CHST5: variants seen among roughly 807,000 people sequenced by gnomAD.
CHST5 encodes carbohydrate sulfotransferase 5.
For synonymous variants in CHST5, 313 were observed against 279.2 expected (o/e 1.12, Z -1.21); for missense variants, 637 against 602.1 (o/e 1.06, Z -0.61).
rs2080513621 is a variant in CHST5 at position 75,530,901 on chromosome 16, C to A, written c.-517G>T. 2.0e-6 allele frequency: 2 copies of A among 1,000,612 alleles called. No individual in the cohort carries two copies. Among genetic ancestry groups the A allele is most frequent in the Non-Finnish European group, 2.4e-6 (2 of 831,656 alleles). 62.0% of individuals were successfully genotyped at this position (1,000,612 alleles called of 1,614,324 possible). A position where few individuals can be genotyped will look rare whatever the true frequency, so the allele number is the denominator to read the frequency against. ...AATTCCGGTACCTGGCTCACAGGAT[C>A]TGGGGGGATTGGGGGGTTATTATAA... On this transcript the variant is annotated 5_prime_UTR_variant, in exon 4 of 4. Coordinates refer to ENST00000336257, the MANE Select transcript of CHST5 (RefSeq NM_024533.5).
At chr16:75,534,818 T>C (rs1166135567) in intron 2 of CHST5, among the ~76,000 whole-genome samples, 1 of 152,142 alleles carries the variant, frequency 6.6e-6, no homozygotes, top group Non-Finnish European at 1.5e-5. Context: ...TCTCAAGAAT[T>C]TCATGGAGAG....
At position 75,531,562 on chromosome 16, in the gene CHST5, C is replaced by T. The variant is rs983423053; in HGVS notation, c.-1178G>A. 29 of 1,303,772 alleles carry T rather than the reference C, an allele frequency of 2.2e-5. No homozygotes were observed. Among genetic ancestry groups the T allele is most frequent in the Middle Eastern group, 2.2e-4 (1 of 4,508 alleles). The allele number at this position is 1,303,772 out of a possible 1,614,324, so 80.8% of individuals were successfully genotyped here. A position where few individuals can be genotyped will look rare whatever the true frequency, so the allele number is the denominator to read the frequency against. ...GAGAGCAGAGTACTGTCCTGGCCAG[C>T]TGAGGGGACTCACCACCGTCCAGGG... On this transcript the variant is annotated 5_prime_UTR_variant, in exon 4 of 4. Coordinates refer to ENST00000336257, the MANE Select transcript of CHST5 (RefSeq NM_024533.5).
At chr16:75,534,337 AAAAAAC>A (rs891182238) in intron 2 of CHST5, among the ~76,000 whole-genome samples, 1 of 152,048 alleles carries the variant, frequency 6.6e-6, no homozygotes, top group Non-Finnish European at 1.5e-5. Context: ...ACCCCATCTG[AAAAAAC>A]AAAAACAAAA....
Position 75,530,112 on chromosome 16 carries a change from C to A in CHST5, c.273G>T (p.Leu91=). ...LFSQHPDVFY[L]MEPAWHVWTT... is the part of the protein sequence containing the mutation. ...TCCACACATGCCACGCGGGCTCCATCAGGTAGAAGACGTCGGGGTGCTGGC... is the reference window on the plus strand; with the variant it reads ...TCCACACATGCCACGCGGGCTCCATAAGGTAGAAGACGTCGGGGTGCTGGC... Residue 91 remains leucine, a synonymous_variant, in exon 4 of 4, where the codon CTG becomes CTT. Coordinates refer to ENST00000336257, the MANE Select transcript of CHST5 (RefSeq NM_024533.5). The A allele has an allele frequency of 6.2e-7, 1 of 1,613,472 alleles. No individual in the cohort carries two copies. The highest frequency in any genetic ancestry group is 8.5e-7 in the Non-Finnish European group (1 of 1,179,978).
At chr16:75,532,796 G>A (rs1281834076) in intron 3 of CHST5, among the ~76,000 whole-genome samples, 1 of 152,254 alleles carries the variant, frequency 6.6e-6, no homozygotes, top group Non-Finnish European at 1.5e-5. Flanking sequence ...CAAGTGCTAG[G>A]TGCTTCGAGT....
Position 75,530,126 on chromosome 16 carries a change from C to G in CHST5, c.259G>C (p.Asp87His), listed in dbSNP as rs775382687. The G allele has an allele frequency of 6.2e-7, 1 of 1,613,486 alleles. No homozygotes were observed. Among genetic ancestry groups the G allele is most frequent in the Non-Finnish European group, 8.5e-7 (1 of 1,179,990 alleles). The change falls in exon 4 of 4, where the codon GAC (aspartate) becomes CAC (histidine). Residue 87 changes from aspartate to histidine, a missense_variant. Asp to His is a moderately conservative substitution (Grantham distance 81, BLOSUM62 -1). Coordinates refer to ENST00000336257, the MANE Select transcript of CHST5 (RefSeq NM_024533.5). ...FLGQLFSQHPDVFYLMEPAWH... is the reference protein window; with the variant it reads ...FLGQLFSQHPHVFYLMEPAWH... The stretch of plus-strand genomic sequence containing the variant: ...GCGGGCTCCATCAGGTAGAAGACGT[C>G]GGGGTGCTGGCTGAAGAGCTGGCCC...
chr16:75,532,750 A>T (rs2080534133), intron 3 of CHST5, among the ~76,000 whole-genome samples: 1 of 152,236 alleles, frequency 6.6e-6, no homozygotes, highest in South Asian at 2.1e-4. Flanking sequence ...AGTGCCAGAA[A>T]GGAAGGGAAC....
Position 75,529,646 on chromosome 16 carries a change from C to G in CHST5, c.739G>C (p.Val247Leu), listed in dbSNP as rs1428177979. ...GPILARDNGI[V>L]LGTNGKWVEA... The stretch of plus-strand genomic sequence containing the variant: ...ACCCACTTGCCGTTGGTGCCCAGCA[C>G]GATGCCGTTGTCGCGTGCCAGTATC... The change falls in exon 4 of 4, where the codon GTG becomes CTG. Residue 247 changes from valine (V) to leucine (L), a missense_variant. Coordinates refer to ENST00000336257, the MANE Select transcript of CHST5 (RefSeq NM_024533.5). The G allele has an allele frequency of 6.2e-7, 1 of 1,611,164 alleles. No individual in the cohort carries two copies. Among genetic ancestry groups the G allele is most frequent in the Non-Finnish European group, 8.5e-7 (1 of 1,178,910 alleles).
rs765330317 is a variant in CHST5 at position 75,529,359 on chromosome 16, A to T, written c.1026T>A (p.His342Gln). The T allele has an allele frequency of 1.2e-6, 2 of 1,613,230 alleles. No homozygotes were observed. The highest frequency in any genetic ancestry group is 2.2e-5 in the South Asian group (2 of 91,072). The stretch of plus-strand genomic sequence containing the variant: ...CGTTGCGCGCATTCCTAGACGAAGT[A>T]TGGAAGGCCTCGATTGGCTTGCCGA... ...SGIGKPIEAF[H>Q]TSSRNARNVS... is the part of the protein sequence containing the mutation. The change falls in exon 4 of 4, where the codon CAT (histidine) becomes CAA (glutamine). Residue 342 changes from histidine (H) to glutamine (Q), a missense_variant. By Grantham distance (24) the His-to-Gln change is conservative. Coordinates refer to ENST00000336257, the MANE Select transcript of CHST5 (RefSeq NM_024533.5).
In CHST5 at chr16:75,533,072, G is replaced by C. The variant is rs936846987; in HGVS notation, c.-1257+17C>G. The C allele has an allele frequency of 1.4e-6, 1 of 699,518 alleles. No homozygotes were observed. Among genetic ancestry groups the C allele is most frequent in the African/African-American group, 1.7e-5 (1 of 57,178 alleles). 43.3% of individuals were successfully genotyped at this position (699,518 alleles called of 1,614,324 possible). A position where few individuals can be genotyped will look rare whatever the true frequency, so the allele number is the denominator to read the frequency against. On this transcript the variant is annotated intron_variant, in intron 3 of 3. Transcript: ENST00000336257. ...TGGGTAGGGAGGATCTTGATCCCAA[G>C]CTAAGGTGTTTGTTACCTGTGTTCC...
At position 75,529,011 on chromosome 16, in the gene CHST5, T is replaced by C; in HGVS notation, c.*138A>G. On this transcript the variant is annotated 3_prime_UTR_variant, in exon 4 of 4. Transcript: ENST00000336257. ...GAGAAAGAAACGTGCAGTCCTTGCC[T>C]ACTTCAGGGGAGGACCCCAAACTCC... 1 of 880,816 alleles carries C rather than the reference T, an allele frequency of 1.1e-6. No homozygotes were observed. The highest frequency in any genetic ancestry group is 1.9e-5 in the South Asian group (1 of 53,432). The allele number at this position is 880,816 out of a possible 1,614,324, so 54.6% of individuals were successfully genotyped here.
chr16:75,533,949 G>C (rs1329070696), intron 2 of CHST5, among the ~76,000 whole-genome samples: 1 of 148,960 alleles, frequency 6.7e-6, no homozygotes, highest in Non-Finnish European at 1.5e-5. Flanking sequence ...TGAGGCAGGA[G>C]AGTAGCTTGA....
At chr16:75,532,438 G>T (rs1162799470) in intron 3 of CHST5, among the ~76,000 whole-genome samples, 1 of 152,168 alleles carries the variant, frequency 6.6e-6, no homozygotes, top group African/African-American at 2.4e-5. Flanking sequence ...TTTTCTCCTT[G>T]CTCCTGCATC....
In CHST5 at chr16:75,530,702, T is replaced by C; in HGVS notation, c.-318A>G. Reference sequence around the variant, plus strand: ...TTCAGGATACCTCTTAGAGAGACCCTTTTAGGTTGTGGAGCTAAAAGGGCT... The same window carrying C: ...TTCAGGATACCTCTTAGAGAGACCCCTTTAGGTTGTGGAGCTAAAAGGGCT... On this transcript the variant is annotated 5_prime_UTR_variant, in exon 4 of 4. Coordinates refer to ENST00000336257, the MANE Select transcript of CHST5 (RefSeq NM_024533.5). 8.8e-7 allele frequency: 1 copy of C among 1,131,490 alleles called. No homozygotes were observed. Among genetic ancestry groups the C allele is most frequent in the Non-Finnish European group, 1.1e-6 (1 of 913,096 alleles). The allele number at this position is 1,131,490 out of a possible 1,614,324, so 70.1% of individuals were successfully genotyped here. A position where few individuals can be genotyped will look rare whatever the true frequency, so the allele number is the denominator to read the frequency against.
Position 75,531,461 on chromosome 16 carries a change from G to C in CHST5, c.-1077C>G. 1 of 1,257,534 alleles carries C rather than the reference G, an allele frequency of 8.0e-7. No individual in the cohort carries two copies. Among genetic ancestry groups the C allele is most frequent in the Non-Finnish European group, 1.0e-6 (1 of 963,026 alleles). The allele number at this position is 1,257,534 out of a possible 1,614,324, so 77.9% of individuals were successfully genotyped here. ...AGGCAGCATGGGCTCCAGAAGGAGGGTGTCCTGGAGCCCTGTGGGTTTGCA... is the reference window on the plus strand; with the variant it reads ...AGGCAGCATGGGCTCCAGAAGGAGGCTGTCCTGGAGCCCTGTGGGTTTGCA... On this transcript the variant is annotated 5_prime_UTR_variant, in exon 4 of 4. Coordinates refer to ENST00000336257, the MANE Select transcript of CHST5 (RefSeq NM_024533.5).
chr16:75,531,403 T>G lies in CHST5; in HGVS notation c.-1019A>C. The G allele has an allele frequency of 2.7e-6, 3 of 1,124,692 alleles. No individual in the cohort carries two copies. The highest frequency in any genetic ancestry group is 3.3e-6 in the Non-Finnish European group (3 of 898,842). The allele number at this position is 1,124,692 out of a possible 1,614,324, so 69.7% of individuals were successfully genotyped here. A position where few individuals can be genotyped will look rare whatever the true frequency, so the allele number is the denominator to read the frequency against. ...AATAAAGTGGACAAAGAACAGCAAC[T>G]GTTGTCATCACTGGTGGGGAGTGAA... On this transcript the variant is annotated 5_prime_UTR_variant, in exon 4 of 4. Transcript: ENST00000336257.
At chr16:75,534,181 G>T (rs2432619) in intron 2 of CHST5, among the ~76,000 whole-genome samples, 45,867 of 149,436 alleles carry the variant, frequency 0.31, 7,467 homozygotes, top group African/African-American at 0.43. Flanking sequence ...AAACCCCATC[G>T]CTAAAATTAG....
intron 2 of CHST5, among the ~76,000 whole-genome samples, chr16:75,533,991 T>C (rs772718087): frequency 5.0e-5 from 7 of 140,470 alleles, no homozygotes; most frequent in Non-Finnish European, 1.1e-4. Context: ...GTGGCCGAGA[T>C]TGTGCCATTG....
Position 75,530,253 on chromosome 16 carries a change from C to A in CHST5, c.132G>T (p.Leu44=), listed in dbSNP as rs761034335. The A allele has an allele frequency of 4.3e-6, 7 of 1,613,450 alleles. No homozygotes were observed. The South Asian group carries it at 7.7e-5, about 18-fold the overall frequency. ...GCCCTGGCCGGGAGATGATGAAGAG[C>A]AGGAGGCAGGTGGTCTGTGCCAGGA... ...VLLLAQTTCL[L]LFIISRPGPS... The change falls in exon 4 of 4, where the codon CTG becomes CTT. Residue 44 remains leucine (L), a synonymous_variant. Coordinates refer to ENST00000336257, the MANE Select transcript of CHST5 (RefSeq NM_024533.5).
Sources: gnomAD v4.1 joint callset for allele counts (sites outside exome capture counted in the v4.1 genomes callset) on GRCh38, gnomAD v4.1.1 for gene constraint, MANE v1.5 for transcripts, NCBI Gene and HGNC (gene_info 2026-07-23, HGNC 2026-07-21) for gene names.